Variants in MARCHF1 observed in about 807,000 individuals in gnomAD.
MARCHF1 encodes E3 ubiquitin-protein ligase MARCHF1.
In MARCHF1, 40 loss-of-function variants were observed where a neutral mutation model predicts 54.2. The ratio of observed to expected loss-of-function variants is 0.74; its 90% CI spans 0.57 to 0.96. MARCHF1 has a LOEUF of 0.96. Among genes scored for constraint, MARCHF1 ranks in the 40% least tolerant of loss-of-function variants. The pLI, the probability that MARCHF1 is intolerant of heterozygous loss-of-function variation, is 0.00. For missense variants in MARCHF1, 586 were observed against 656.5 expected, an observed-to-expected ratio of 0.89 and a Z score of 1.17; for synonymous variants, 236 against 236.3, an observed-to-expected ratio of 1.00 and a Z score of 0.01.
intron 4 of MARCHF1, among the ~76,000 whole-genome samples, chr4:163,811,679 A>C (rs1193588326): frequency 6.6e-6 from 1 of 152,230 alleles, no homozygotes; most frequent in East Asian, 1.9e-4. Context: ...CAATTTTATT[A>C]GAAAAAAGTA....
At chr4:163,849,336 T>C (rs1029410852) in intron 4 of MARCHF1, among the ~76,000 whole-genome samples, 7 of 139,566 alleles carry the variant, frequency 5.0e-5, no homozygotes, top group Admixed American at 1.5e-4. Flanking sequence ...CTTAGAAAAG[T>C]TCTTGGAACA....
chr4:164,142,977 C>T (rs1217403787), intron 1 of MARCHF1, among the ~76,000 whole-genome samples: 1 of 151,818 alleles, frequency 6.6e-6, no homozygotes, highest in South Asian at 2.1e-4. Context: ...AAGAGCTTAA[C>T]GGAGCTGATG....
chr4:164,235,791 T>C (rs769941865), intron 1 of MARCHF1, among the ~76,000 whole-genome samples: 3 of 152,054 alleles, frequency 2.0e-5, no homozygotes, highest in Non-Finnish European at 4.4e-5. Context: ...TTAGGTACAA[T>C]GTATACTACT....
At chr4:164,093,914 G>C (rs1755356694) in intron 2 of MARCHF1, among the ~76,000 whole-genome samples, 1 of 151,974 alleles carries the variant, frequency 6.6e-6, no homozygotes, top group Non-Finnish European at 1.5e-5. Flanking sequence ...TGTTCCTCCA[G>C]CTCTTCTGAC....
chr4:164,237,373 T>A (rs1282083047), intron 1 of MARCHF1, among the ~76,000 whole-genome samples: 1 of 152,118 alleles, frequency 6.6e-6, no homozygotes, highest in Non-Finnish European at 1.5e-5. Context: ...CTGTGTATCA[T>A]GCTTTTGTTT....
chr4:164,126,968 C>A (rs537073156), intron 1 of MARCHF1, among the ~76,000 whole-genome samples: 4 of 152,048 alleles, frequency 2.6e-5, no homozygotes, highest in Non-Finnish European at 4.4e-5. Flanking sequence ...GTGGGAGAAT[C>A]GCTTGAACCC....
intron 5 of MARCHF1, among the ~76,000 whole-genome samples, chr4:163,677,460 A>G (rs1743956253): frequency 6.6e-6 from 1 of 152,140 alleles, no homozygotes; most frequent in South Asian, 2.1e-4. Context: ...GAGTGTACTG[A>G]GTTTACTGTC....
At chr4:164,245,706 G>A (rs991863416) in intron 1 of MARCHF1, among the ~76,000 whole-genome samples, 24 of 151,030 alleles carry the variant, frequency 1.6e-4, no homozygotes, top group South Asian at 2.1e-4. Flanking sequence ...AAACCCCATC[G>A]TCTCAGCCCA....
chr4:163,648,943 G>C (rs1298692820), intron 5 of MARCHF1, among the ~76,000 whole-genome samples: 1 of 151,444 alleles, frequency 6.6e-6, no homozygotes, highest in Non-Finnish European at 1.5e-5. Flanking sequence ...CCTTACAGGA[G>C]CAAGGAGTTC....
At chr4:164,276,947 T>TATATATAGAGAG (rs1392528920) in intron 1 of MARCHF1, among the ~76,000 whole-genome samples, 24 of 118,796 alleles carry the variant, frequency 2.0e-4, no homozygotes, top group African/African-American at 3.2e-4. Flanking sequence ...TATATATATA[T>TATATATAGAGAG]AGAGAGAGAG....
intron 9 of MARCHF1, among the ~76,000 whole-genome samples, chr4:163,543,899 G>T (rs1170067076): frequency 6.6e-6 from 1 of 152,138 alleles, no homozygotes; most frequent in African/African-American, 2.4e-5. Flanking sequence ...TTACTACAAA[G>T]AGGCCAAGTG....
intron 5 of MARCHF1, among the ~76,000 whole-genome samples, chr4:163,685,515 C>T (rs953896987): frequency 6.6e-6 from 1 of 152,054 alleles, no homozygotes; most frequent in South Asian, 2.1e-4. Context: ...AGTGCAGTAG[C>T]GTGAACTCAG....
At chr4:164,148,673 A>G (rs1469395735) in intron 1 of MARCHF1, among the ~76,000 whole-genome samples, 2 of 152,140 alleles carry the variant, frequency 1.3e-5, no homozygotes, top group African/African-American at 2.4e-5. Context: ...TTATCAAGCT[A>G]TTGTTAAGCA....
chr4:164,262,445 T>C (rs1408382291), intron 1 of MARCHF1, among the ~76,000 whole-genome samples: 1 of 152,214 alleles, frequency 6.6e-6, no homozygotes, highest in African/African-American at 2.4e-5. Context: ...TCTCCTTTTA[T>C]TTTGATGACC....
intron 1 of MARCHF1, among the ~76,000 whole-genome samples, chr4:164,249,680 G>C (rs188589362): frequency 6.6e-5 from 10 of 151,718 alleles, no homozygotes; most frequent in African/African-American, 2.2e-4. Flanking sequence ...GAAAGTGCTA[G>C]GGGTCGGGGA....
intron 2 of MARCHF1, among the ~76,000 whole-genome samples, chr4:164,028,113 AGTGTTG>A (rs2110984909): frequency 6.6e-6 from 1 of 152,334 alleles, no homozygotes; most frequent in Admixed American, 6.5e-5. Context: ...ATGCTTATGC[AGTGTTG>A]GTGGGAATGT....
intron 1 of MARCHF1, chr4:164,197,531 G>GT (rs1731311910): frequency 2.5e-6 from 4 of 1,613,304 alleles, no homozygotes; most frequent in Non-Finnish European, 3.4e-6. Context: ...TTTAACTTTG[G>GT]TAAGTCTGAG....
intron 1 of MARCHF1, among the ~76,000 whole-genome samples, chr4:164,377,059 C>G (rs1382275711): frequency 1.3e-5 from 2 of 152,170 alleles, no homozygotes; most frequent in African/African-American, 2.4e-5. Flanking sequence ...GAATCTATTC[C>G]AGGCATTCTC....
intron 3 of MARCHF1, among the ~76,000 whole-genome samples, chr4:163,883,311 A>T (rs1579363612): frequency 6.6e-6 from 1 of 150,604 alleles, no homozygotes; most frequent in East Asian, 2.0e-4. Context: ...ATTATTGTTG[A>T]TCCATATTAA....
Sources: allele counts gnomAD v4.1 joint callset (sites outside exome capture counted in the v4.1 genomes callset), GRCh38; gene constraint gnomAD v4.1.1; transcripts MANE v1.5; gene names NCBI Gene and HGNC (gene_info 2026-07-23, HGNC 2026-07-21).